NXPE2: variants seen among roughly 807,000 people sequenced by gnomAD.
NXPE2 encodes the protein neurexophilin and PC-esterase domain family member 2, also known as NXPE family member 2.
In NXPE2, 34 loss-of-function variants were observed where a neutral mutation model predicts 34.4. That is an observed-to-expected ratio of 0.99 (90% confidence interval 0.75 to 1.31). The LOEUF (loss-of-function observed/expected upper bound fraction) is 1.31. Ranked by LOEUF, NXPE2 falls within the 40% of genes most tolerant of loss-of-function variation. The pLI, the probability that NXPE2 is intolerant of heterozygous loss-of-function variation, is 0.00. For missense variants in NXPE2, 649 were observed against 672.5 expected, an observed-to-expected ratio of 0.97 and a Z score of 0.39; for synonymous variants, 235 against 231.3, an observed-to-expected ratio of 1.02 and a Z score of -0.15.
chr11:114,782,979 A>G, the NXPE2 span, among the ~76,000 whole-genome samples: 4 of 152,218 alleles, frequency 2.6e-5, no homozygotes, highest in Admixed American at 6.5e-5. Context: ...ACCTTATTTT[A>G]TGGTTTGCTT....
chr11:114,736,222 G>A, the NXPE2 span, among the ~76,000 whole-genome samples: 97 of 152,320 alleles, frequency 6.4e-4, no homozygotes, highest in South Asian at 2.5e-3. Context: ...CAGGGTTTGA[G>A]AGCAACTGGT....
the NXPE2 span, among the ~76,000 whole-genome samples, chr11:114,714,986 A>C: frequency 6.6e-6 from 1 of 152,146 alleles, no homozygotes; most frequent in Non-Finnish European, 1.5e-5. Flanking sequence ...ATGCCACTGC[A>C]CTCCAGCCTG....
At chr11:114,534,377 C>A in the NXPE2 span, among the ~76,000 whole-genome samples, 1 of 152,208 alleles carries the variant, frequency 6.6e-6, no homozygotes, top group East Asian at 1.9e-4. Flanking sequence ...AATCAGAGCG[C>A]CTCTTCTCCT....
the NXPE2 span, among the ~76,000 whole-genome samples, chr11:114,779,136 CT>C: frequency 6.6e-6 from 1 of 152,304 alleles, no homozygotes; most frequent in South Asian, 2.1e-4. Context: ...AAAGTGGAAC[CT>C]TTTCACAGGA....
At chr11:114,626,576 A>G in the NXPE2 span, among the ~76,000 whole-genome samples, 1 of 152,184 alleles carries the variant, frequency 6.6e-6, no homozygotes, top group African/African-American at 2.4e-5. Flanking sequence ...TGGGGAAAAA[A>G]CAGAGCAGAA....
the NXPE2 span, among the ~76,000 whole-genome samples, chr11:114,476,993 C>A: frequency 2.0e-5 from 3 of 152,162 alleles, no homozygotes; most frequent in Admixed American, 6.5e-5. Flanking sequence ...ACTTCTAGGA[C>A]AAAGACTTGC....
At chr11:114,749,862 T>C in the NXPE2 span, among the ~76,000 whole-genome samples, 1 of 152,164 alleles carries the variant, frequency 6.6e-6, no homozygotes, top group Non-Finnish European at 1.5e-5. Flanking sequence ...GCTCAAGCTT[T>C]GCCACCCTGT....
chr11:114,493,253 T>A, the NXPE2 span, among the ~76,000 whole-genome samples: 2 of 152,226 alleles, frequency 1.3e-5, no homozygotes, highest in African/African-American at 4.8e-5. Context: ...TTTGTCTTTT[T>A]GTTTTTATCC....
the NXPE2 span, among the ~76,000 whole-genome samples, chr11:114,590,193 C>G: frequency 2.0e-5 from 3 of 152,200 alleles, no homozygotes; most frequent in Non-Finnish European, 4.4e-5. Context: ...GGATGATATA[C>G]TGCTCTGTGC....
the NXPE2 span, among the ~76,000 whole-genome samples, chr11:114,592,907 C>T: frequency 4.6e-5 from 7 of 152,144 alleles, no homozygotes; most frequent in Non-Finnish European, 8.8e-5. Context: ...ACAAAGTCAT[C>T]AAAAACATAC....
At chr11:114,793,179 A>G in the NXPE2 span, among the ~76,000 whole-genome samples, 1 of 152,186 alleles carries the variant, frequency 6.6e-6, no homozygotes, top group African/African-American at 2.4e-5. Context: ...TTTGCAAAAC[A>G]TCTCTAAGTT....
chr11:114,803,070 T>C, the NXPE2 span, among the ~76,000 whole-genome samples: 1 of 152,148 alleles, frequency 6.6e-6, no homozygotes, highest in African/African-American at 2.4e-5. Flanking sequence ...CCAACCTGTC[T>C]ACTCAGCGCT....
chr11:114,799,311 A>AAAAAAG, the NXPE2 span, among the ~76,000 whole-genome samples: 23 of 132,992 alleles, frequency 1.7e-4, no homozygotes, highest in Non-Finnish European at 2.6e-4. Context: ...AAAAAAAAAA[A>AAAAAAG]AAAATTGGTG....
At chr11:114,517,143 C>G in the NXPE2 span, among the ~76,000 whole-genome samples, 1 of 152,188 alleles carries the variant, frequency 6.6e-6, no homozygotes, top group African/African-American at 2.4e-5. Flanking sequence ...CTTACAGCTG[C>G]TTCAATGTCT....
the NXPE2 span, among the ~76,000 whole-genome samples, chr11:114,507,425 G>C: frequency 5.3e-5 from 8 of 151,866 alleles, no homozygotes; most frequent in Non-Finnish European, 1.0e-4. Context: ...CTGGTAGAGA[G>C]ACAACAACAA....
the NXPE2 span, among the ~76,000 whole-genome samples, chr11:114,793,093 T>C: frequency 1.3e-5 from 2 of 152,196 alleles, no homozygotes; most frequent in African/African-American, 2.4e-5. Context: ...TACACACTAG[T>C]GATACAGAAC....
chr11:114,637,851 T>G, the NXPE2 span, among the ~76,000 whole-genome samples: 1 of 152,088 alleles, frequency 6.6e-6, no homozygotes, highest in Non-Finnish European at 1.5e-5. Context: ...TCTGATGGGC[T>G]TCCCTTTGAG....
the NXPE2 span, among the ~76,000 whole-genome samples, chr11:114,801,043 TG>T: frequency 1.1e-5 from 1 of 90,820 alleles, no homozygotes; most frequent in Admixed American, 1.1e-4. Flanking sequence ...CCCAGCTATA[TG>T]ACTTTTATTC....
chr11:114,799,311 AAAAATTGGTGGCATCAGTT>A, the NXPE2 span, among the ~76,000 whole-genome samples: 1 of 133,022 alleles, frequency 7.5e-6, no homozygotes, highest in Non-Finnish European at 1.6e-5. Context: ...AAAAAAAAAA[AAAAATTGGTGGCATCAGTT>A]AAGACTGCTG....
Sources: allele counts gnomAD v4.1 joint callset (sites outside exome capture counted in the v4.1 genomes callset), GRCh38; gene constraint gnomAD v4.1.1; transcripts MANE v1.5; gene names NCBI Gene and HGNC (gene_info 2026-07-23, HGNC 2026-07-21).